Variants in SLC25A48 observed in about 807,000 individuals in gnomAD.
SLC25A48 encodes CTC-321K16.1.
SLC25A48 carries 29 observed loss-of-function variants against 32.2 expected under a neutral mutation model. The observed-to-expected ratio is 0.90, with a 90% confidence interval of 0.67 to 1.23. The LOEUF (loss-of-function observed/expected upper bound fraction) is 1.23, where lower values mean the gene tolerates loss of function less well. SLC25A48 is among the 50% of genes most tolerant of loss of function. The probability of loss-of-function intolerance (pLI) is 0.00; values close to 1 mark genes in which losing one functional copy is unlikely to be tolerated. For missense variants in SLC25A48, 399 were observed against 422.7 expected, an observed-to-expected ratio of 0.94 and a Z score of 0.49; for synonymous variants, 164 against 172.3, an observed-to-expected ratio of 0.95 and a Z score of 0.38.
At chr5:135,600,250 G>T (rs1474451728) in intron 1 of SLC25A48, among the ~76,000 whole-genome samples, 1 of 152,342 alleles carries the variant, frequency 6.6e-6, no homozygotes, top group Admixed American at 6.5e-5. Flanking sequence ...ACAGCTTGGA[G>T]AGCAGATGAA....
intron 1 of SLC25A48, among the ~76,000 whole-genome samples, chr5:135,617,960 T>A (rs998247155): frequency 2.0e-5 from 3 of 152,020 alleles, no homozygotes; most frequent in Non-Finnish European, 4.4e-5. Flanking sequence ...AGTTTAAGTT[T>A]GATGTTTCTT....
At chr5:135,604,849 C>T (rs1431324064) in intron 1 of SLC25A48, among the ~76,000 whole-genome samples, 1 of 152,162 alleles carries the variant, frequency 6.6e-6, no homozygotes, top group Admixed American at 6.5e-5. Flanking sequence ...GACTGCCAGG[C>T]GTGAACTCCA....
intron 3 of SLC25A48, among the ~76,000 whole-genome samples, chr5:135,655,209 G>A (rs1023749719): frequency 1.3e-5 from 2 of 152,210 alleles, no homozygotes; most frequent in East Asian, 1.9e-4. Context: ...CCAAAACCCC[G>A]GCTTTGCTAA....
At chr5:135,785,915 C>A (rs566622575) in intron 3 of SLC25A48, among the ~76,000 whole-genome samples, 1 of 150,406 alleles carries the variant, frequency 6.6e-6, no homozygotes, top group Non-Finnish European at 1.5e-5. Flanking sequence ...GTAGAGCATC[C>A]TTCTTGTCCC....
intron 3 of SLC25A48, among the ~76,000 whole-genome samples, chr5:135,739,606 G>C (rs1369748969): frequency 1.3e-5 from 2 of 152,222 alleles, no homozygotes; most frequent in Non-Finnish European, 2.9e-5. Context: ...AGGCAGAAAA[G>C]GGTCAGGGTG....
At chr5:135,688,884 A>G (rs1259070460) in intron 3 of SLC25A48, among the ~76,000 whole-genome samples, 1 of 152,214 alleles carries the variant, frequency 6.6e-6, no homozygotes, top group Non-Finnish European at 1.5e-5. Flanking sequence ...CCAACCATAT[A>G]ATCAAATAAT....
At chr5:135,785,374 G>A (rs1368036176) in intron 3 of SLC25A48, among the ~76,000 whole-genome samples, 2 of 149,904 alleles carry the variant, frequency 1.3e-5, no homozygotes, top group Non-Finnish European at 3.0e-5. Flanking sequence ...AACCCTCCCC[G>A]CCGCTTGCCC....
chr5:135,716,219 G>C (rs1446620175), intron 3 of SLC25A48, among the ~76,000 whole-genome samples: 1 of 152,130 alleles, frequency 6.6e-6, no homozygotes, highest in Non-Finnish European at 1.5e-5. Flanking sequence ...ACCTGGTCTG[G>C]GACAGCCAGC....
At chr5:135,627,154 C>T (rs187083728) in intron 1 of SLC25A48, among the ~76,000 whole-genome samples, 22 of 152,264 alleles carry the variant, frequency 1.4e-4, no homozygotes, top group Admixed American at 2.0e-4. Context: ...AGGCCCTGCT[C>T]TCTCTGCCCC....
intron 7 of SLC25A48, chr5:135,883,577 G>A: frequency 1.4e-6 from 1 of 698,394 alleles, no homozygotes; most frequent in South Asian, 6.4e-5. Context: ...CCTCCACACA[G>A]GTGAGGAGAG....
intron 3 of SLC25A48, among the ~76,000 whole-genome samples, chr5:135,662,050 C>T (rs142597460): frequency 6.6e-6 from 1 of 152,340 alleles, no homozygotes; most frequent in African/African-American, 2.4e-5. Context: ...TAACCTTCCA[C>T]TGGCAATGCA....
chr5:135,862,633 G>A (rs17169234), intron 4 of SLC25A48, among the ~76,000 whole-genome samples: 6,795 of 152,244 alleles, frequency 0.045, 339 homozygotes, highest in African/African-American at 0.12. Flanking sequence ...TGGCTTGGTG[G>A]ATCAGGAAGC....
In SLC25A48 at chr5:135,871,511, T is replaced by C; in HGVS notation, c.472T>C (p.Tyr158His). Residue 158 changes from tyrosine (Y) to histidine (H), a missense_variant, in exon 5 of 8, where the codon TAC becomes CAC. By Grantham distance (83) the Tyr-to-His change is moderately conservative. Transcript: ENST00000681962. ...AGTGGCTCCTGCGGAGCAGCCAGCATACCAGGGGCCAGTGCACTGCATTAC... is the reference window on the plus strand; with the variant it reads ...AGTGGCTCCTGCGGAGCAGCCAGCACACCAGGGGCCAGTGCACTGCATTAC... The part of the protein sequence containing the change: ...RAVAPAEQPA[Y>H]QGPVHCITTI... 1.9e-6 allele frequency: 3 copies of C among 1,610,446 alleles called. No individual in the cohort carries two copies. The highest frequency in any genetic ancestry group is 1.3e-5 in the African/African-American group (1 of 74,974).
chr5:135,782,637 G>A (rs1300810952), intron 3 of SLC25A48, among the ~76,000 whole-genome samples: 2 of 116,146 alleles, frequency 1.7e-5, no homozygotes, highest in African/African-American at 5.2e-5. Context: ...TCCCACTATC[G>A]AAAAGGCTGT....
chr5:135,876,617 T>C (rs1399951134), intron 6 of SLC25A48, among the ~76,000 whole-genome samples: 1 of 152,222 alleles, frequency 6.6e-6, no homozygotes, highest in Non-Finnish European at 1.5e-5. Context: ...CTGTGGTCCC[T>C]GTCCTCGCTC....
intron 3 of SLC25A48, among the ~76,000 whole-genome samples, chr5:135,657,203 G>A (rs1210515277): frequency 6.6e-6 from 1 of 152,138 alleles, no homozygotes; most frequent in African/African-American, 2.4e-5. Context: ...TCAGTTCCAA[G>A]CAGAACTAAA....
At chr5:135,847,206 T>G (rs577139798) in intron 2 of SLC25A48, among the ~76,000 whole-genome samples, 1 of 152,252 alleles carries the variant, frequency 6.6e-6, no homozygotes, top group Non-Finnish European at 1.5e-5. Context: ...TTGCCTTTCA[T>G]AGGTGTTCAC....
chr5:135,757,595 A>C (rs1380131407), intron 3 of SLC25A48, among the ~76,000 whole-genome samples: 1 of 149,598 alleles, frequency 6.7e-6, no homozygotes, highest in African/African-American at 2.4e-5. Context: ...CTATATTAAT[A>C]AAATATCTTC....
At chr5:135,788,434 AC>A (rs1756912727) in intron 3 of SLC25A48, among the ~76,000 whole-genome samples, 1 of 130,652 alleles carries the variant, frequency 7.7e-6, no homozygotes, top group Non-Finnish European at 1.6e-5. Flanking sequence ...CGGCGGGTGT[AC>A]CCCCTCCCGC....
Sources: gnomAD v4.1 joint callset for allele counts (sites outside exome capture counted in the v4.1 genomes callset) on GRCh38, gnomAD v4.1.1 for gene constraint, MANE v1.5 for transcripts, NCBI Gene and HGNC (gene_info 2026-07-23, HGNC 2026-07-21) for gene names.